UBR1: variants seen among roughly 807,000 people sequenced by gnomAD.
The protein encoded by UBR1 is E3 ubiquitin-protein ligase UBR1.
In UBR1, 102 loss-of-function variants were observed where a neutral mutation model predicts 242.1. That is an observed-to-expected ratio of 0.42 (90% CI 0.36 to 0.50). UBR1 has a LOEUF of 0.50. UBR1 is among the 20% of genes least tolerant of loss of function. The pLI is 0.01. For missense variants in UBR1, 1,772 were observed against 2,101.8 expected, an observed-to-expected ratio of 0.84 and a Z score of 3.07; for synonymous variants, 675 against 684.8, an observed-to-expected ratio of 0.99 and a Z score of 0.22.
chr15:42,971,262 G>GGTGT (rs2032203169), intron 39 of UBR1, among the ~76,000 whole-genome samples: 1 of 152,134 alleles, frequency 6.6e-6, no homozygotes, highest in African/African-American at 2.4e-5. Context: ...AAGGGAAGTA[G>GGTGT]GTGTCTGTCC....
At chr15:43,027,232 C>T (rs1169365492) in intron 22 of UBR1, among the ~76,000 whole-genome samples, 2 of 151,928 alleles carry the variant, frequency 1.3e-5, no homozygotes, top group Non-Finnish European at 2.9e-5. Flanking sequence ...ATTACTAGAT[C>T]ATAAGAAAAG....
intron 6 of UBR1, among the ~76,000 whole-genome samples, chr15:43,067,222 TTTG>T (rs2033764931): frequency 6.6e-6 from 1 of 152,180 alleles, no homozygotes; most frequent in Non-Finnish European, 1.5e-5. Context: ...TTCGTACCCT[TTTG>T]TTTTTTTTTG....
intron 37 of UBR1, among the ~76,000 whole-genome samples, chr15:42,981,304 C>T (rs2032374437): frequency 6.6e-6 from 1 of 152,142 alleles, no homozygotes; most frequent in South Asian, 2.1e-4. Flanking sequence ...AACCTATCTA[C>T]TTGAACACAT....
intron 10 of UBR1, 102 bp downstream of exon 10, chr15:43,058,239 C>A (rs1249412762): frequency 4.4e-6 from 4 of 916,682 alleles, no homozygotes; most frequent in Non-Finnish European, 6.8e-6. Context: ...AGAAATAAAT[C>A]ATAACATTTA....
chr15:43,054,312 C>T (rs1002287828), intron 12 of UBR1, among the ~76,000 whole-genome samples: 2 of 151,772 alleles, frequency 1.3e-5, no homozygotes, highest in Non-Finnish European at 2.9e-5. Context: ...GTTTGCATCA[C>T]TGCACTCCAG....
intron 39 of UBR1, 31 bp from the exon 40 acceptor site, chr15:42,970,638 G>A: frequency 6.4e-7 from 1 of 1,574,134 alleles, no homozygotes; most frequent in Non-Finnish European, 8.7e-7. Context: ...GATGAATTAT[G>A]TATTTGCTAT....
chr15:42,971,931 T>C (rs1377190590), intron 39 of UBR1, among the ~76,000 whole-genome samples: 1 of 152,156 alleles, frequency 6.6e-6, no homozygotes, highest in Non-Finnish European at 1.5e-5. Context: ...ATTCCCTCTG[T>C]CTCTATGCAC....
At chr15:42,965,254 G>T (rs961254637) in intron 41 of UBR1, among the ~76,000 whole-genome samples, 1 of 152,076 alleles carries the variant, frequency 6.6e-6, no homozygotes, top group Non-Finnish European at 1.5e-5. Flanking sequence ...ACAAAAGGAA[G>T]AATCTCAGCA....
At position 43,049,587 on chromosome 15, in the gene UBR1, C is replaced by A. The variant is rs540985018; in HGVS notation, c.1440-1096G>T. Among the ~76,000 whole-genome samples, 13 of 152,154 alleles carry A rather than the reference C, an allele frequency of 8.5e-5. No homozygotes were observed. In the East Asian group the frequency reaches 2.5e-3, roughly 29 times the overall value. On this transcript the variant is annotated intron_variant, in intron 12 of 46. Transcript: ENST00000290650. ...AAGAAGTAATGTAGGTACATAAAGA[C>A]AAAGCAACAAAGAAAATACATTTTT...
intron 15 of UBR1, among the ~76,000 whole-genome samples, chr15:43,040,135 T>C (rs1221626020): frequency 1.3e-5 from 2 of 152,146 alleles, no homozygotes; most frequent in Non-Finnish European, 2.9e-5. Flanking sequence ...GAGCCCGCAT[T>C]GCCAAGTCAA....
chr15:43,095,341 G>A (rs1219008714), intron 1 of UBR1, among the ~76,000 whole-genome samples: 1 of 152,100 alleles, frequency 6.6e-6, no homozygotes, highest in African/African-American at 2.4e-5. Context: ...CTGAAGAGTG[G>A]CATTAAGTAA....
At chr15:42,982,357 A>C (rs947700275) in intron 37 of UBR1, among the ~76,000 whole-genome samples, 1 of 152,226 alleles carries the variant, frequency 6.6e-6, no homozygotes, top group Non-Finnish European at 1.5e-5. Flanking sequence ...GAGGTCCTAA[A>C]AACAAAGACA....
chr15:42,949,490 T>A (rs1316418415), intron 46 of UBR1, among the ~76,000 whole-genome samples: 1 of 151,872 alleles, frequency 6.6e-6, no homozygotes, highest in Non-Finnish European at 1.5e-5. Flanking sequence ...ATTTTTTAAA[T>A]TTGAAGCCAT....
chr15:43,091,899 A>G (rs918985094), intron 1 of UBR1: 12 of 344,638 alleles, frequency 3.5e-5, no homozygotes, highest in Non-Finnish European at 5.8e-5. Flanking sequence ...GCCACTGTAC[A>G]CCATCTCAAA....
chr15:43,079,127 T>C (rs1257514040), intron 3 of UBR1, among the ~76,000 whole-genome samples: 2 of 151,902 alleles, frequency 1.3e-5, no homozygotes, highest in African/African-American at 4.8e-5. Flanking sequence ...CCACTATAAC[T>C]GGAGTCACCG....
At chr15:43,016,857 A>G (rs923872987) in intron 28 of UBR1, among the ~76,000 whole-genome samples, 40 of 152,230 alleles carry the variant, frequency 2.6e-4, no homozygotes, top group African/African-American at 9.6e-4. Flanking sequence ...GATTTCTAAC[A>G]GAGCTCTACG....
At chr15:42,958,526 C>G (rs1331635001) in intron 43 of UBR1, among the ~76,000 whole-genome samples, 1 of 152,096 alleles carries the variant, frequency 6.6e-6, no homozygotes, top group African/African-American at 2.4e-5. Flanking sequence ...AAATCAGGTT[C>G]TGGGGAAGGG....
intron 30 of UBR1, 96 bp from the exon 31 acceptor site, chr15:43,004,026 C>G: frequency 9.6e-7 from 1 of 1,039,644 alleles, no homozygotes; most frequent in Admixed American, 1.7e-5. Context: ...AGCAAAGTGT[C>G]ACAATATCAT....
intron 5 of UBR1, among the ~76,000 whole-genome samples, chr15:43,069,363 G>C (rs1337233286): frequency 6.6e-6 from 1 of 151,006 alleles, no homozygotes; most frequent in Admixed American, 6.6e-5. Context: ...TGCAAGCTCT[G>C]CCTCCTGGGT....
Sources: allele counts gnomAD v4.1 joint callset (sites outside exome capture counted in the v4.1 genomes callset), GRCh38; gene constraint gnomAD v4.1.1; transcripts MANE v1.5; gene names NCBI Gene and HGNC (gene_info 2026-07-23, HGNC 2026-07-21).